PELP1: variants seen among roughly 807,000 people sequenced by gnomAD.
PELP1 encodes the protein proline-, glutamic acid- and leucine-rich protein 1.
In PELP1, 32 loss-of-function variants were observed where a neutral mutation model predicts 95.5. The ratio of observed to expected loss-of-function variants is 0.34; its 90% confidence interval spans 0.25 to 0.45. The LOEUF (loss-of-function observed/expected upper bound fraction) is 0.45. PELP1 is among the 20% of genes least tolerant of loss of function. The pLI, the probability that PELP1 is intolerant of heterozygous loss-of-function variation, is 1.00. For missense variants in PELP1, 1,358 were observed against 1,444.8 expected (o/e 0.94, Z 0.97); for synonymous variants, 668 against 600.1 (o/e 1.11, Z -1.65).
At position 4,691,012 on chromosome 17, in the gene PELP1, G is replaced by C. The variant is rs768024122; in HGVS notation, c.315-19C>G. ...CTCAAACCTTCAAAGAAAGAAGAGA[G>C]TCATGTTAAGTGGGCGGAGGCTAGA... On this transcript the variant is annotated intron_variant, in intron 2 of 16. Transcript: ENST00000572293. 25 of 1,547,338 alleles carry C rather than the reference G, an allele frequency of 1.6e-5. No homozygotes were observed. The highest frequency in any genetic ancestry group is 2.1e-5 in the Non-Finnish European group (23 of 1,119,286).
At chr17:4,680,435 G>A (rs1453830346) in intron 5 of PELP1, among the ~76,000 whole-genome samples, 2 of 152,012 alleles carry the variant, frequency 1.3e-5, no homozygotes, top group African/African-American at 4.8e-5. Context: ...ACACCGCCAC[G>A]CCTGGCTAAT....
chr17:4,676,486 G>A lies in PELP1; in HGVS notation c.724C>T (p.Arg242Trp), dbSNP rs556876225. ...LQQLACECYS[R>W]LPSLGAGFSQ... ...AAGCCAGCCCCTAAAGAGGGCAGCC[G>A]GGAATAACACTCACAGGCCAACTGC... is the stretch of plus-strand genomic sequence containing the variant. Residue 242 changes from arginine to tryptophan, a missense_variant, in exon 7 of 17, where the codon CGG becomes TGG. This residue lies in a region of PELP1 where 538 missense variants were observed against 628.1 expected (regional missense o/e 0.86). Transcript: ENST00000572293. 1.7e-5 allele frequency: 27 copies of A among 1,613,746 alleles called. No homozygotes were observed. In the East Asian group the frequency reaches 2.2e-4, roughly 13 times the overall value.
Position 4,675,598 on chromosome 17 carries a change from C to A in PELP1, c.1068+199G>T. The A allele has an allele frequency of 4.2e-6, 3 of 710,282 alleles. No individual in the cohort carries two copies. The allele number at this position is 710,282 out of a possible 1,614,324, so 44.0% of individuals were successfully genotyped here. On this transcript the variant is annotated intron_variant, in intron 9 of 16. Transcript: ENST00000572293. This position sits in a 1 kb window ranked among gnomAD's most constrained non-coding sequence, Gnocchi z 4.3. Reference sequence around the variant, plus strand: ...AGCTGATCCCCAAATTCACCCTCCCCCAAGGAAGCATTTGCTACACTCTGA... The same window carrying A: ...AGCTGATCCCCAAATTCACCCTCCCACAAGGAAGCATTTGCTACACTCTGA...
Position 4,690,936 on chromosome 17 carries a change from G to C in PELP1, c.372C>G (p.Phe124Leu), listed in dbSNP as rs1269128632. 6.2e-7 allele frequency: 1 copy of C among 1,613,758 alleles called. No individual in the cohort carries two copies. The highest frequency in any genetic ancestry group is 1.1e-5 in the South Asian group (1 of 91,080). Residue 124 changes from phenylalanine (F) to leucine (L), a missense_variant, in exon 3 of 17, where the codon TTC becomes TTG. Transcript: ENST00000572293. ...GAAGCCAAGACACACAGTGCTGCTGGAATAGCTCTGTGGGGCTCTCCCCTA... is the reference window on the plus strand; with the variant it reads ...GAAGCCAAGACACACAGTGCTGCTGCAATAGCTCTGTGGGGCTCTCCCCTA... ...LLVGESPTEL[F>L]QQHCVSWLRS...
chr17:4,680,321 A>G (rs1393909833), intron 5 of PELP1, among the ~76,000 whole-genome samples: 1 of 152,188 alleles, frequency 6.6e-6, no homozygotes, highest in Non-Finnish European at 1.5e-5. Context: ...TCTGTCACCC[A>G]GGCTGGAGTA....
At position 4,672,243 on chromosome 17, in the gene PELP1, A is replaced by ATCCTTT; in HGVS notation, c.2747_2748insAAAGGA (p.Glu915_Asp916insGluLys). ...CTTCCTCTTCAAAATATTCCTCTTC[A>ATCCTTT]TCCTCTTCCTCTTCCTCAAAGTCTT... is the stretch of plus-strand genomic sequence containing the variant. On this transcript the variant is annotated inframe_insertion, in exon 16 of 17. Transcript: ENST00000572293. 1 of 1,551,214 alleles carries ATCCTTT rather than the reference A, an allele frequency of 6.4e-7. No individual in the cohort carries two copies. The highest frequency in any genetic ancestry group is 8.7e-7 in the Non-Finnish European group (1 of 1,147,094).
At chr17:4,683,498 T>G (rs7211134) in intron 3 of PELP1, among the ~76,000 whole-genome samples, 4 of 140,932 alleles carry the variant, frequency 2.8e-5, no homozygotes, top group Non-Finnish European at 4.6e-5. Flanking sequence ...GGATTACAGG[T>G]GTGAGCCATC....
At chr17:4,689,302 A>G (rs970305735) in intron 3 of PELP1, among the ~76,000 whole-genome samples, 5 of 152,246 alleles carry the variant, frequency 3.3e-5, no homozygotes, top group Non-Finnish European at 7.3e-5. Flanking sequence ...ATGACCAAGA[A>G]TCCAAAAGCA....
At chr17:4,691,148 CAAAG>C (rs1224144735) in intron 2 of PELP1, 155 bp from the exon 3 acceptor site, 8 of 663,372 alleles carry the variant, frequency 1.2e-5, no homozygotes, top group Non-Finnish European at 1.9e-5. Context: ...GTGGAAGAAG[CAAAG>C]AAAGAAGGGA....
chr17:4,683,174 A>G (rs1207742010), intron 3 of PELP1: 2 of 899,518 alleles, frequency 2.2e-6, no homozygotes, highest in Non-Finnish European at 2.9e-6. Flanking sequence ...GGGGAAAAAA[A>G]GAGTAACAAA....
rs1912135447 is a variant in PELP1 at position 4,670,031 on chromosome 17, C to A, written c.*1408G>T. 6.6e-6 allele frequency: 1 copy of A among 152,124 alleles called. No individual in the cohort carries two copies. The highest frequency in any genetic ancestry group is 2.4e-5 in the African/African-American group (1 of 41,412). The allele number at this position is 152,124 out of a possible 1,614,324, so 9.4% of individuals were successfully genotyped here. A position where few individuals can be genotyped will look rare whatever the true frequency, so the allele number is the denominator to read the frequency against. On this transcript the variant is annotated 3_prime_UTR_variant, in exon 17 of 17. Coordinates refer to ENST00000572293, the MANE Select transcript of PELP1 (RefSeq NM_014389.3). Reference sequence around the variant, plus strand: ...TGGGTGTAATATAGATACATGTCTACATGTAGATACGCAGTTTATAGGGAT... The same window carrying A: ...TGGGTGTAATATAGATACATGTCTAAATGTAGATACGCAGTTTATAGGGAT...
Position 4,672,007 on chromosome 17 carries a change from A to C in PELP1, c.2984T>G (p.Val995Gly), listed in dbSNP as rs923737901. Reference sequence around the variant, plus strand: ...GGGTTCAGGTTCGGGTTCTGGCTGCACCTTTGGGGGAGACTCAGGGGGAGG... The same window carrying C: ...GGGTTCAGGTTCGGGTTCTGGCTGCCCCTTTGGGGGAGACTCAGGGGGAGG... ...ALPPPESPPK[V>G]QPEPEPEPGL... is the part of the protein sequence containing the mutation. Residue 995 changes from valine (V) to glycine (G), a missense_variant, in exon 16 of 17, where the codon GTG becomes GGG. Around this residue, in one of 7 missense-constraint regions of PELP1, gnomAD observed 283 missense variants for 284.1 expected, o/e 1.00. Transcript: ENST00000572293. 1.3e-6 allele frequency: 2 copies of C among 1,563,194 alleles called. No individual in the cohort carries two copies. The highest frequency in any genetic ancestry group is 1.7e-6 in the Non-Finnish European group (2 of 1,158,186).
chr17:4,677,731 C>A (rs1215537340), intron 5 of PELP1, among the ~76,000 whole-genome samples: 2 of 152,076 alleles, frequency 1.3e-5, no homozygotes, highest in East Asian at 3.9e-4. Context: ...GAGTTTGAGA[C>A]CAGTCTGGGC....
At position 4,675,985 on chromosome 17, in the gene PELP1, C is replaced by A; in HGVS notation, c.980+51G>T. Reference sequence around the variant, plus strand: ...TCTCCTGATGAAGGCGACACTCCCTCATCAATCCCTCCTGCTCCACGCCTC... The same window carrying A: ...TCTCCTGATGAAGGCGACACTCCCTAATCAATCCCTCCTGCTCCACGCCTC... On this transcript the variant is annotated intron_variant, in intron 8 of 16. Coordinates refer to ENST00000572293, the MANE Select transcript of PELP1 (RefSeq NM_014389.3). This position sits in a 1 kb window ranked among gnomAD's most constrained non-coding sequence, Gnocchi z 4.3. 1.2e-6 allele frequency: 2 copies of A among 1,608,574 alleles called. No homozygotes were observed. The highest frequency in any genetic ancestry group is 3.3e-5 in the Admixed American group (2 of 59,746).
Position 4,671,812 on chromosome 17 carries a change from G to A in PELP1, c.3179C>T (p.Ala1060Val), listed in dbSNP as rs761541715. The A allele has an allele frequency of 5.3e-6, 8 of 1,513,488 alleles. No individual in the cohort carries two copies. In the South Asian group the frequency reaches 1.1e-4, roughly 21 times the overall value. 93.8% of individuals were successfully genotyped at this position (1,513,488 alleles called of 1,614,324 possible). A position where few individuals can be genotyped will look rare whatever the true frequency, so the allele number is the denominator to read the frequency against. The change falls in exon 16 of 17, where the codon GCT (alanine) becomes GTT (valine). Residue 1060 changes from alanine (A) to valine (V), a missense_variant. Ala to Val is a moderately conservative substitution (Grantham distance 64, BLOSUM62 0). Coordinates refer to ENST00000572293, the MANE Select transcript of PELP1 (RefSeq NM_014389.3). ...CTCCTCTTCCAACAGGGTTGGGGGA[G>A]CAGAGGGCTCTTCTTCAACAAGCTC... The part of the protein sequence containing the change: ...PQELVEEEPS[A>V]PPTLLEEETE...
At position 4,672,454 on chromosome 17, in the gene PELP1, G is replaced by T. The variant is rs76904479; in HGVS notation, c.2537C>A (p.Pro846Gln). The change falls in exon 16 of 17, where the codon CCG becomes CAG. Residue 846 changes from proline to glutamine, a missense_variant. Around this residue, in one of 7 missense-constraint regions of PELP1, gnomAD observed 340 missense variants for 322.9 expected, o/e 1.05. Transcript: ENST00000572293. ...CGTCACAGGACCAGGAACAGGCGGC[G>T]GCGGAGGTGGGGGTGGCGGGAGAGG... ...PGPLPPPPPPPPPVPGPVTLP... is the reference protein window; with the variant it reads ...PGPLPPPPPPQPPVPGPVTLP... The T allele has an allele frequency of 2.6e-6, 4 of 1,567,042 alleles. No homozygotes were observed. Among genetic ancestry groups the T allele is most frequent in the East Asian group, 2.3e-5 (1 of 43,540 alleles).
At chr17:4,681,342 G>A (rs189861782) in intron 5 of PELP1, among the ~76,000 whole-genome samples, 93 of 151,744 alleles carry the variant, frequency 6.1e-4, no homozygotes, top group Non-Finnish European at 8.0e-4. Flanking sequence ...AAAATTAGCT[G>A]GGCGTGGTGG....
rs1912129123 is a variant in PELP1, at chr17:4,669,844, T to C, written c.*1595A>G. On this transcript the variant is annotated 3_prime_UTR_variant, in exon 17 of 17. Coordinates refer to ENST00000572293, the MANE Select transcript of PELP1 (RefSeq NM_014389.3). ...TTACTGTTATTTTTCTTAGGTTTGA[T>C]AATGGTATCAGGATTGTGCAGAAAA... 6.6e-6 allele frequency: 1 copy of C among 152,136 alleles called. No homozygotes were observed. The highest frequency in any genetic ancestry group is 2.4e-5 in the African/African-American group (1 of 41,436). The allele number at this position is 152,136 out of a possible 1,614,324, so 9.4% of individuals were successfully genotyped here. A position where few individuals can be genotyped will look rare whatever the true frequency, so the allele number is the denominator to read the frequency against.
Position 4,669,879 on chromosome 17 carries a change from TCTTAG to T in PELP1, c.*1555_*1559del, listed in dbSNP as rs1912130649. ...AGGATTGTGCAGAAAAACATTCTTA[TCTTAG>T]AAGATAATTCATGTTAAAGAATCTG... On this transcript the variant is annotated 3_prime_UTR_variant, in exon 17 of 17. Coordinates refer to ENST00000572293, the MANE Select transcript of PELP1 (RefSeq NM_014389.3). 2 of 152,174 alleles carry T rather than the reference TCTTAG, an allele frequency of 1.3e-5. No individual in the cohort carries two copies. Among genetic ancestry groups the T allele is most frequent in the Non-Finnish European group, 2.9e-5 (2 of 68,018 alleles). 9.4% of individuals were successfully genotyped at this position (152,174 alleles called of 1,614,324 possible). A position where few individuals can be genotyped will look rare whatever the true frequency, so the allele number is the denominator to read the frequency against.
Sources: allele counts gnomAD v4.1 joint callset (sites outside exome capture counted in the v4.1 genomes callset), GRCh38; gene constraint gnomAD v4.1.1; regional missense constraint gnomAD v4.1.1; non-coding constraint Gnocchi (gnomAD v3.1); transcripts MANE v1.5; gene names NCBI Gene and HGNC (gene_info 2026-07-23, HGNC 2026-07-21).